Variants in DCC observed in about 807,000 individuals in gnomAD.
DCC encodes the protein DCC netrin 1 receptor.
DCC carries 58 observed loss-of-function variants against 172.5 expected under a neutral mutation model. The observed-to-expected ratio is 0.34, with a 90% CI of 0.27 to 0.42. DCC has a LOEUF of 0.42. DCC is among the 10% of genes least tolerant of loss of function. The pLI is 1.00. For synonymous variants in DCC, 709 were observed against 644.5 expected (o/e 1.10, Z -1.52); for missense variants, 1,740 against 1,791.0 (o/e 0.97, Z 0.51).
intron 1 of DCC, among the ~76,000 whole-genome samples, chr18:52,499,480 C>T (rs7236331): frequency 6.6e-6 from 1 of 152,142 alleles, no homozygotes; most frequent in African/African-American, 2.4e-5. Context: ...ATTTCATCTA[C>T]TTTTTGGATG....
At chr18:52,468,939 T>C (rs1230190383) in intron 1 of DCC, among the ~76,000 whole-genome samples, 4 of 152,232 alleles carry the variant, frequency 2.6e-5, no homozygotes, top group Non-Finnish European at 5.9e-5. Flanking sequence ...ATGTTTACCT[T>C]TGGACCACTG....
At chr18:52,374,957 A>G (rs1985283438) in intron 1 of DCC, among the ~76,000 whole-genome samples, 1 of 152,190 alleles carries the variant, frequency 6.6e-6, no homozygotes, top group Non-Finnish European at 1.5e-5. Context: ...CCTCTGTCCA[A>G]TGCCATGTCA....
intron 1 of DCC, among the ~76,000 whole-genome samples, chr18:52,748,414 G>T (rs2036942725): frequency 6.6e-6 from 1 of 152,190 alleles, no homozygotes; most frequent in Admixed American, 6.5e-5. Flanking sequence ...GAGTCCCAAG[G>T]TCTGCACCTC....
chr18:52,394,444 G>GT (rs1986142739), intron 1 of DCC, among the ~76,000 whole-genome samples: 1 of 146,108 alleles, frequency 6.8e-6, no homozygotes, highest in South Asian at 2.5e-4. Flanking sequence ...TTTTTAAAGT[G>GT]GTTTTTTTTT....
intron 2 of DCC, among the ~76,000 whole-genome samples, chr18:52,832,070 G>A (rs2038624401): frequency 6.6e-6 from 1 of 152,138 alleles, no homozygotes; most frequent in Non-Finnish European, 1.5e-5. Context: ...TTTCAGACTG[G>A]TGGGTTATTT....
At chr18:53,308,342 A>C (rs975740183) in intron 13 of DCC, among the ~76,000 whole-genome samples, 2 of 152,158 alleles carry the variant, frequency 1.3e-5, no homozygotes, top group African/African-American at 4.8e-5. Flanking sequence ...AAGCATTCAC[A>C]TAAAAATATT....
chr18:53,057,146 G>A (rs1295127975), intron 5 of DCC, among the ~76,000 whole-genome samples: 2 of 149,572 alleles, frequency 1.3e-5, no homozygotes, highest in African/African-American at 4.9e-5. Context: ...AATACTTATG[G>A]GCATTTATTA....
chr18:53,143,769 A>G (rs1054794747), intron 7 of DCC, among the ~76,000 whole-genome samples: 2 of 152,268 alleles, frequency 1.3e-5, no homozygotes, highest in Non-Finnish European at 2.9e-5. Flanking sequence ...TGTGAACTTT[A>G]CACAGGTAAT....
intron 5 of DCC, among the ~76,000 whole-genome samples, chr18:52,955,266 G>A (rs912408948): frequency 5.3e-5 from 8 of 152,072 alleles, no homozygotes; most frequent in Admixed American, 3.9e-4. Context: ...TACTGTCTCC[G>A]TAATTTTACC....
intron 2 of DCC, among the ~76,000 whole-genome samples, chr18:52,781,968 C>G (rs964134320): frequency 6.6e-6 from 1 of 151,866 alleles, no homozygotes; most frequent in African/African-American, 2.4e-5. Flanking sequence ...ATTGAATATA[C>G]AGGGAGAAAT....
intron 1 of DCC, among the ~76,000 whole-genome samples, chr18:52,495,327 CA>C (rs1181687676): frequency 1.3e-5 from 2 of 152,056 alleles, no homozygotes; most frequent in Non-Finnish European, 2.9e-5. Flanking sequence ...TGCAGGGCCA[CA>C]AAAATATTTC....
intron 2 of DCC, among the ~76,000 whole-genome samples, chr18:52,848,563 ATTTAC>A (rs751326225): frequency 5.9e-5 from 9 of 152,164 alleles, no homozygotes; most frequent in Admixed American, 1.3e-4. Context: ...ATTTACTTAT[ATTTAC>A]TTAATGTAAG....
intron 1 of DCC, among the ~76,000 whole-genome samples, chr18:52,493,895 ACACTAATTT>A (rs1389516409): frequency 2.0e-5 from 3 of 152,134 alleles, no homozygotes; most frequent in Non-Finnish European, 4.4e-5. Context: ...AGGCCATAAA[ACACTAATTT>A]CCCTTGAAAT....
chr18:53,301,730 G>A (rs1481453437), intron 12 of DCC, among the ~76,000 whole-genome samples: 1 of 151,800 alleles, frequency 6.6e-6, no homozygotes, highest in Non-Finnish European at 1.5e-5. Flanking sequence ...TTATTTTTAT[G>A]TCAGGATTTG....
At chr18:52,852,018 A>T (rs2038982643) in intron 2 of DCC, among the ~76,000 whole-genome samples, 2 of 152,160 alleles carry the variant, frequency 1.3e-5, no homozygotes, top group South Asian at 4.1e-4. Context: ...TCCTTCAGCT[A>T]TTCAAAATAG....
At chr18:53,278,416 C>T (rs183470199) in intron 12 of DCC, among the ~76,000 whole-genome samples, 49 of 152,094 alleles carry the variant, frequency 3.2e-4, no homozygotes, top group Admixed American at 2.9e-3. Flanking sequence ...CCCACCATAC[C>T]GTCTATATCT....
chr18:52,955,580 G>T (rs947023512), intron 5 of DCC, among the ~76,000 whole-genome samples: 5 of 152,078 alleles, frequency 3.3e-5, no homozygotes, highest in African/African-American at 1.2e-4. Flanking sequence ...ATAATTGCTG[G>T]ATCATATGTG....
chr18:53,417,313 G>A (rs1355600988), intron 21 of DCC, among the ~76,000 whole-genome samples: 2 of 152,118 alleles, frequency 1.3e-5, no homozygotes, highest in Non-Finnish European at 2.9e-5. Flanking sequence ...ACATGGCTAG[G>A]GGTTTACGTG....
chr18:52,591,625 T>C (rs2033801311), intron 1 of DCC, among the ~76,000 whole-genome samples: 2 of 151,894 alleles, frequency 1.3e-5, no homozygotes, highest in African/African-American at 4.8e-5. Flanking sequence ...AAATTATTAT[T>C]ATTACGTTTT....
Sources: allele counts gnomAD v4.1 joint callset (sites outside exome capture counted in the v4.1 genomes callset), GRCh38; gene constraint gnomAD v4.1.1; transcripts MANE v1.5; gene names NCBI Gene and HGNC (gene_info 2026-07-23, HGNC 2026-07-21).